The following KLF12 variants were observed in gnomAD, a reference collection of about 807,000 sequenced individuals.
KLF12 encodes KLF transcription factor 12.
In KLF12, 9 loss-of-function variants were observed where a neutral mutation model predicts 37.8. The ratio of observed to expected loss-of-function variants is 0.24; its 90% CI spans 0.14 to 0.42. The LOEUF (loss-of-function observed/expected upper bound fraction) is 0.42, where lower values mean the gene tolerates loss of function less well. Ranked by LOEUF, KLF12 falls within the 10% of genes least tolerant of loss-of-function variation. KLF12 has a pLI of 1.00. For synonymous variants in KLF12, 208 were observed against 202.1 expected, an observed-to-expected ratio of 1.03 and a Z score of -0.25; for missense variants, 411 against 516.0, an observed-to-expected ratio of 0.80 and a Z score of 1.97.
At chr13:74,251,075 G>A in the KLF12 span, among the ~76,000 whole-genome samples, 1 of 152,102 alleles carries the variant, frequency 6.6e-6, no homozygotes, top group African/African-American at 2.4e-5. Context: ...TCTGAGTCTG[G>A]TGTCTGTCAT....
At chr13:74,287,486 G>A in the KLF12 span, among the ~76,000 whole-genome samples, 3 of 151,798 alleles carry the variant, frequency 2.0e-5, no homozygotes, top group African/African-American at 4.8e-5. Flanking sequence ...TACTTGAGCC[G>A]TATGTTTTGT....
chr13:74,073,014 AGT>A (rs1491539989), intron 1 of KLF12, among the ~76,000 whole-genome samples: 2 of 152,066 alleles, frequency 1.3e-5, no homozygotes, highest in African/African-American at 4.8e-5. Flanking sequence ...CATGATTGTG[AGT>A]GTCTCATGAG....
At chr13:73,956,195 A>G (rs1195449083) in intron 2 of KLF12, among the ~76,000 whole-genome samples, 7 of 152,190 alleles carry the variant, frequency 4.6e-5, no homozygotes. Context: ...GCCTCTTAAT[A>G]AGCATGACCC....
At chr13:74,039,390 A>G (rs905026681) in intron 1 of KLF12, among the ~76,000 whole-genome samples, 5 of 150,584 alleles carry the variant, frequency 3.3e-5, no homozygotes, top group Non-Finnish European at 7.3e-5. Context: ...AAAAATAGCC[A>G]GGCAAGTTGG....
rs76457955 is a variant in KLF12, at chr13:73,979,954, G to T, written c.33+15036C>A. On this transcript the variant is annotated intron_variant, in intron 2 of 7. Coordinates refer to ENST00000377669, the MANE Select transcript of KLF12 (RefSeq NM_007249.5). ...AAGACACACAGAAAAAAAAGACCACGTGAAGGCACAGGGTGAAGACAGCCA... is the reference window on the plus strand; with the variant it reads ...AAGACACACAGAAAAAAAAGACCACTTGAAGGCACAGGGTGAAGACAGCCA... 3.0e-3 allele frequency among the ~76,000 whole-genome samples: 450 copies of T among 152,250 alleles called. 4 individuals are homozygous for T. Among genetic ancestry groups the T allele is most frequent in the East Asian group, 0.029 (151 of 5,176 alleles).
At chr13:73,902,140 G>C (rs7332468) in intron 3 of KLF12, among the ~76,000 whole-genome samples, 7,148 of 152,202 alleles carry the variant, frequency 0.047, 386 homozygotes, top group African/African-American at 0.13. Flanking sequence ...AAGAACAAAA[G>C]TGTAATTACT....
rs1873922025 is a variant in KLF12, at chr13:73,693,325, G to T, written c.*2165C>A. 6.6e-6 allele frequency: 1 copy of T among 152,042 alleles called. No homozygotes were observed. Among genetic ancestry groups the T allele is most frequent in the East Asian group, 1.9e-4 (1 of 5,196 alleles). 9.4% of individuals were successfully genotyped at this position (152,042 alleles called of 1,614,324 possible). Reference sequence around the variant, plus strand: ...CATATAGTACAAAAAAACTTTCCAGGTGCTAAAAAAAACCCACTGGTTGAT... The same window carrying T: ...CATATAGTACAAAAAAACTTTCCAGTTGCTAAAAAAAACCCACTGGTTGAT... On this transcript the variant is annotated 3_prime_UTR_variant, in exon 8 of 8. Coordinates refer to ENST00000377669, the MANE Select transcript of KLF12 (RefSeq NM_007249.5).
chr13:73,716,277 T>C lies in KLF12; in HGVS notation c.870-752A>G, dbSNP rs186381450. Among the ~76,000 whole-genome samples, 140 of 152,342 alleles carry C rather than the reference T, an allele frequency of 9.2e-4. 2 individuals carry two copies. The highest frequency in any genetic ancestry group is 3.3e-3 in the African/African-American group (136 of 41,592). Reference sequence around the variant, plus strand: ...TATAATGTCAGGTAATTGACTAACATGTACTTAAAAAAATCTTAATCTCTT... The same window carrying C: ...TATAATGTCAGGTAATTGACTAACACGTACTTAAAAAAATCTTAATCTCTT... On this transcript the variant is annotated intron_variant, in intron 6 of 7. Transcript: ENST00000377669.
intron 2 of KLF12, among the ~76,000 whole-genome samples, chr13:73,975,095 T>C (rs958525059): frequency 6.6e-5 from 10 of 152,318 alleles, no homozygotes; most frequent in Middle Eastern, 3.4e-3. Flanking sequence ...GTAAAAGATG[T>C]ATGTTCATCT....
intron 7 of KLF12, among the ~76,000 whole-genome samples, chr13:73,708,347 G>C (rs1053888531): frequency 6.6e-6 from 1 of 152,134 alleles, no homozygotes. Flanking sequence ...AATATTTCCA[G>C]ATTCATTTGA....
chr13:73,838,262 C>A (rs1406068772), intron 4 of KLF12, among the ~76,000 whole-genome samples: 1 of 151,848 alleles, frequency 6.6e-6, no homozygotes, highest in Non-Finnish European at 1.5e-5. Context: ...TTTCTATAGG[C>A]TGCTGAGAAA....
intron 3 of KLF12, among the ~76,000 whole-genome samples, chr13:73,886,092 A>C (rs1887212150): frequency 6.6e-6 from 1 of 152,174 alleles, no homozygotes. Context: ...GGGCAGGTAC[A>C]TCACAAAGGC....
chr13:74,112,624 G>A (rs1877049038), intron 1 of KLF12, among the ~76,000 whole-genome samples: 1 of 152,100 alleles, frequency 6.6e-6, no homozygotes, highest in Admixed American at 6.6e-5. Context: ...CACAAACCCT[G>A]ACCTTCTAAG....
chr13:74,226,132 G>C, the KLF12 span, among the ~76,000 whole-genome samples: 1 of 152,130 alleles, frequency 6.6e-6, no homozygotes, highest in African/African-American at 2.4e-5. Flanking sequence ...TTTGGGAGCT[G>C]TGTAGAGGAT....
the KLF12 span, among the ~76,000 whole-genome samples, chr13:74,201,513 C>T: frequency 6.6e-6 from 1 of 152,148 alleles, no homozygotes; most frequent in Non-Finnish European, 1.5e-5. Flanking sequence ...CCAATAAGCT[C>T]TTCCCCAGGA....
At chr13:73,970,508 T>C (rs9530267) in intron 2 of KLF12, among the ~76,000 whole-genome samples, 12,845 of 152,204 alleles carry the variant, frequency 0.084, 713 homozygotes, top group Non-Finnish European at 0.12. Flanking sequence ...AGGATCTGAG[T>C]GAGCTTCCTC....
At chr13:74,078,036 T>C (rs1368103263) in intron 1 of KLF12, among the ~76,000 whole-genome samples, 1 of 152,210 alleles carries the variant, frequency 6.6e-6, no homozygotes, top group Non-Finnish European at 1.5e-5. Flanking sequence ...CAGTGTGTTT[T>C]TGTAATATTG....
intron 3 of KLF12, among the ~76,000 whole-genome samples, chr13:73,891,882 T>C (rs1887522939): frequency 6.6e-6 from 1 of 152,122 alleles, no homozygotes; most frequent in Admixed American, 6.5e-5. Context: ...AACTTGTAAA[T>C]AATATAATTA....
At chr13:73,828,073 GT>G (rs373909952) in intron 4 of KLF12, among the ~76,000 whole-genome samples, 39 of 150,216 alleles carry the variant, frequency 2.6e-4, no homozygotes, top group Non-Finnish European at 5.2e-4. Context: ...TCTGAATTTT[GT>G]TTTTTTTTAA....
Sources: allele counts gnomAD v4.1 joint callset (sites outside exome capture counted in the v4.1 genomes callset), GRCh38; gene constraint gnomAD v4.1.1; transcripts MANE v1.5; gene names NCBI Gene and HGNC (gene_info 2026-07-23, HGNC 2026-07-21).